Variants in REDIC1 observed in about 807,000 individuals in gnomAD.
REDIC1 encodes regulator of DNA class I crossover intermediates 1.
At chr12:39,834,550 A>G in the REDIC1 span, among the ~76,000 whole-genome samples, 8 of 152,100 alleles carry the variant, frequency 5.3e-5, no homozygotes, top group Admixed American at 4.6e-4. Context: ...TTAAAAAAGC[A>G]TGAAAAACTA....
chr12:39,746,220 T>C, the REDIC1 span, among the ~76,000 whole-genome samples: 883 of 152,020 alleles, frequency 5.8e-3, 8 homozygotes, highest in African/African-American at 0.02. Flanking sequence ...ACCTGGAAAA[T>C]CAGGTCACTC....
the REDIC1 span, among the ~76,000 whole-genome samples, chr12:39,713,111 A>T: frequency 2.7e-5 from 4 of 148,938 alleles, no homozygotes; most frequent in Non-Finnish European, 4.5e-5. Context: ...ATATACGTAT[A>T]TATGTAGATA....
the REDIC1 span, among the ~76,000 whole-genome samples, chr12:39,749,499 G>A: frequency 4.0e-3 from 616 of 152,288 alleles, 3 homozygotes; most frequent in Non-Finnish European, 6.9e-3. Flanking sequence ...GTACAAGGAG[G>A]AGCTGGTACC....
At chr12:39,835,025 C>T in the REDIC1 span, among the ~76,000 whole-genome samples, 313 of 152,152 alleles carry the variant, frequency 2.1e-3, 5 homozygotes, top group Admixed American at 0.018. Context: ...TTGAACGTGG[C>T]CTGATGAATT....
the REDIC1 span, among the ~76,000 whole-genome samples, chr12:39,836,368 G>GAAGA: frequency 3.3e-5 from 5 of 152,092 alleles, no homozygotes; most frequent in African/African-American, 9.7e-5. Context: ...TAGCTGCAGA[G>GAAGA]AAGAAATATT....
the REDIC1 span, among the ~76,000 whole-genome samples, chr12:39,748,573 T>TA: frequency 6.6e-6 from 1 of 152,154 alleles, no homozygotes; most frequent in Non-Finnish European, 1.5e-5. Context: ...GCAGACCTAA[T>TA]AGACATCTAC....
chr12:39,896,973 A>T, the REDIC1 span, among the ~76,000 whole-genome samples: 1 of 152,182 alleles, frequency 6.6e-6, no homozygotes, highest in African/African-American at 2.4e-5. Flanking sequence ...TCTAACTTTT[A>T]ACCAGGGAGG....
chr12:39,789,297 T>A, the REDIC1 span, among the ~76,000 whole-genome samples: 1 of 152,084 alleles, frequency 6.6e-6, no homozygotes, highest in Non-Finnish European at 1.5e-5. Context: ...TTGAACTTAA[T>A]GGATTATTAT....
At chr12:39,663,517 T>C in the REDIC1 span, among the ~76,000 whole-genome samples, 1 of 152,082 alleles carries the variant, frequency 6.6e-6, no homozygotes, top group African/African-American at 2.4e-5. Context: ...AGTTGTGTTA[T>C]GGTTTCTTAT....
the REDIC1 span, among the ~76,000 whole-genome samples, chr12:39,848,953 T>G: frequency 6.6e-6 from 1 of 152,098 alleles, no homozygotes; most frequent in Non-Finnish European, 1.5e-5. Context: ...GTCTCACTTA[T>G]AAGTGGGAGC....
At chr12:39,663,295 G>C in the REDIC1 span, among the ~76,000 whole-genome samples, 1 of 151,962 alleles carries the variant, frequency 6.6e-6, no homozygotes, top group African/African-American at 2.4e-5. Flanking sequence ...CTCTAGTGTT[G>C]GGTGCATATA....
the REDIC1 span, among the ~76,000 whole-genome samples, chr12:39,636,121 A>G: frequency 6.6e-6 from 1 of 151,992 alleles, no homozygotes; most frequent in Non-Finnish European, 1.5e-5. Context: ...TGTCATTTGC[A>G]TTCTGAAATA....
the REDIC1 span, among the ~76,000 whole-genome samples, chr12:39,718,739 C>T: frequency 6.6e-6 from 1 of 151,922 alleles, no homozygotes; most frequent in Non-Finnish European, 1.5e-5. Context: ...CCTTTTTCTT[C>T]AGTGATTTTC....
At chr12:39,659,159 A>T in the REDIC1 span, among the ~76,000 whole-genome samples, 1 of 152,028 alleles carries the variant, frequency 6.6e-6, no homozygotes, top group East Asian at 1.9e-4. Flanking sequence ...TGTAGTTTCC[A>T]ACTAGAAGTT....
At chr12:39,667,614 G>T in the REDIC1 span, among the ~76,000 whole-genome samples, 279 of 152,222 alleles carry the variant, frequency 1.8e-3, no homozygotes, top group African/African-American at 6.0e-3. Flanking sequence ...TCAATTCCTG[G>T]ATATCTTGTT....
the REDIC1 span, among the ~76,000 whole-genome samples, chr12:39,719,151 G>A: frequency 6.6e-6 from 1 of 152,086 alleles, no homozygotes; most frequent in Non-Finnish European, 1.5e-5. Flanking sequence ...GCCTTAGAAA[G>A]GAAGAGATGA....
the REDIC1 span, among the ~76,000 whole-genome samples, chr12:39,859,446 A>G: frequency 2.0e-5 from 3 of 151,346 alleles, no homozygotes; most frequent in Non-Finnish European, 4.4e-5. Context: ...GGTGAGGCTG[A>G]CCGCTGGAAA....
chr12:39,699,462 T>C, the REDIC1 span, among the ~76,000 whole-genome samples: 416 of 151,958 alleles, frequency 2.7e-3, 1 homozygote, highest in African/African-American at 9.6e-3. Context: ...GCCCAGGGAG[T>C]CTCTCTGATT....
At chr12:39,893,084 T>A in the REDIC1 span, among the ~76,000 whole-genome samples, 1 of 152,190 alleles carries the variant, frequency 6.6e-6, no homozygotes, top group Admixed American at 6.5e-5. Flanking sequence ...ATTTGCATAT[T>A]TCCTATTGAG....
Sources: gnomAD v4.1 joint callset for allele counts (sites outside exome capture counted in the v4.1 genomes callset) on GRCh38, gnomAD v4.1.1 for gene constraint, MANE v1.5 for transcripts, NCBI Gene and HGNC (gene_info 2026-07-23, HGNC 2026-07-21) for gene names.